DUS2: variants seen among roughly 807,000 people sequenced by gnomAD.
The protein encoded by DUS2 is dihydrouridine synthase 2, also known as tRNA-dihydrouridine(20) synthase [NAD(P)+]-like.
In DUS2, 52 loss-of-function variants were observed where a neutral mutation model predicts 71.3. The ratio of observed to expected loss-of-function variants is 0.73; its 90% CI spans 0.58 to 0.92. The LOEUF (loss-of-function observed/expected upper bound fraction) is 0.92, where lower values mean the gene tolerates loss of function less well. Ranked by LOEUF, DUS2 falls within the 40% of genes least tolerant of loss-of-function variation. The pLI, the probability that DUS2 is intolerant of heterozygous loss-of-function variation, is 0.00. For synonymous variants in DUS2, 204 were observed against 227.8 expected (o/e 0.90, Z 0.94); for missense variants, 558 against 622.6 (o/e 0.90, Z 1.10).
At chr16:68,053,683 C>T in intron 5 of DUS2, 28 bp downstream of exon 5, 1 of 1,611,626 alleles carries the variant, frequency 6.2e-7, no homozygotes, top group Non-Finnish European at 8.5e-7. Flanking sequence ...TGCATGCCCT[C>T]CTGAGGCTCA....
intron 3 of DUS2, among the ~76,000 whole-genome samples, chr16:68,042,955 G>A (rs554286052): frequency 1.3e-5 from 2 of 152,164 alleles, no homozygotes; most frequent in South Asian, 4.1e-4. Context: ...TGATCTGCCC[G>A]CCTCAGCCTC....
At chr16:68,045,669 A>C (rs1363816960) in intron 3 of DUS2, among the ~76,000 whole-genome samples, 1 of 148,680 alleles carries the variant, frequency 6.7e-6, no homozygotes, top group African/African-American at 2.5e-5. Flanking sequence ...TCTAATATGG[A>C]TGCCTTTTAT....
rs184046978 is a variant in DUS2 at position 68,074,185 on chromosome 16, C to T, written c.932+30C>T. On this transcript the variant is annotated intron_variant, in intron 13 of 16. Transcript: ENST00000565263. ...GAGGCACAATAAGATGTCCATCTGT[C>T]CTTGTACGCATTGCCCAAGTTTGAC... 106 of 1,613,074 alleles carry T rather than the reference C, an allele frequency of 6.6e-5. No homozygotes were observed. The Admixed American group carries it at 1.4e-3, about 21-fold the overall frequency.
chr16:68,056,330 T>C (rs761112033), intron 6 of DUS2, 34 bp from the exon 7 acceptor site: 10 of 1,594,798 alleles, frequency 6.3e-6, no homozygotes, highest in Non-Finnish European at 8.6e-6. Context: ...TCTAATTCAA[T>C]ACTTATTACC....
In DUS2 at chr16:68,038,063, C is replaced by A. The variant is rs1251010008; in HGVS notation, c.40C>A (p.Leu14Ile). Residue 14 changes from leucine to isoleucine, a missense_variant, in exon 3 of 17, where the codon CTA (leucine) becomes ATA (isoleucine). Transcript: ENST00000565263. Reference protein sequence around the residue: ...NSLSLCYHNKLILAPMVRVGT... With the variant: ...NSLSLCYHNKIILAPMVRVGT... The stretch of plus-strand genomic sequence containing the variant: ...CCTCTCTCTGTGTTACCATAATAAG[C>A]TAATCCTGGCCCCAATGGTTCGGGT... 1 of 1,613,930 alleles carries A rather than the reference C, an allele frequency of 6.2e-7. No individual in the cohort carries two copies. Among genetic ancestry groups the A allele is most frequent in the Non-Finnish European group, 8.5e-7 (1 of 1,179,918 alleles).
chr16:68,070,884 A>C (rs1567481754), intron 11 of DUS2, 56 bp from the exon 12 acceptor site: 2 of 1,585,622 alleles, frequency 1.3e-6, no homozygotes, highest in East Asian at 4.5e-5. Context: ...ACTTTTTCTG[A>C]AAATGCTGAT....
chr16:68,076,979 G>A (rs1043537782), intron 15 of DUS2, among the ~76,000 whole-genome samples: 10 of 151,452 alleles, frequency 6.6e-5, no homozygotes, highest in African/African-American at 2.4e-4. Flanking sequence ...GGTCTCAGCC[G>A]GGCACGGTGG....
At chr16:68,035,896 A>G (rs1416222971) in intron 2 of DUS2, among the ~76,000 whole-genome samples, 1 of 11,818 alleles carries the variant, frequency 8.5e-5, no homozygotes, top group Non-Finnish European at 4.1e-4. Context: ...ATATATATAT[A>G]TATATATATA....
At chr16:68,075,531 G>C in intron 14 of DUS2, 27 bp downstream of exon 14, 2 of 1,600,764 alleles carry the variant, frequency 1.2e-6, no homozygotes, top group Middle Eastern at 3.3e-4. Context: ...GCCTCAGCTT[G>C]GGCTAGGGCC....
At chr16:68,062,563 C>CA (rs2033954529) in intron 8 of DUS2, among the ~76,000 whole-genome samples, 1 of 151,334 alleles carries the variant, frequency 6.6e-6, no homozygotes, top group Admixed American at 6.6e-5. Flanking sequence ...ACTAAAAATA[C>CA]AAAAAATTAG....
At chr16:68,045,924 A>G (rs946426921) in intron 3 of DUS2, among the ~76,000 whole-genome samples, 2 of 152,058 alleles carry the variant, frequency 1.3e-5, no homozygotes, top group African/African-American at 4.8e-5. Context: ...CACCATGTTA[A>G]TCAGACTGGT....
chr16:68,053,780 G>A, intron 5 of DUS2, 125 bp downstream of exon 5: 1 of 926,214 alleles, frequency 1.1e-6, no homozygotes, highest in Non-Finnish European at 1.7e-6. Flanking sequence ...GCTTCCTGAA[G>A]ATTCTGCTTT....
intron 13 of DUS2, 110 bp from the exon 14 acceptor site, chr16:68,075,245 T>G: frequency 9.4e-7 from 1 of 1,064,526 alleles, no homozygotes; most frequent in Non-Finnish European, 1.3e-6. Flanking sequence ...CGGTGGTGTT[T>G]TGGTGTATGT....
At chr16:68,044,045 T>C (rs1253948260) in intron 3 of DUS2, among the ~76,000 whole-genome samples, 1 of 152,258 alleles carries the variant, frequency 6.6e-6, no homozygotes, top group African/African-American at 2.4e-5. Flanking sequence ...TACGCTGGTC[T>C]GTATGTCTAC....
Position 68,078,926 on chromosome 16 carries a change from G to A in DUS2, c.1422G>A (p.Leu474=), listed in dbSNP as rs2034199046. 1.2e-6 allele frequency: 2 copies of A among 1,606,688 alleles called. No individual in the cohort carries two copies. The highest frequency in any genetic ancestry group is 1.3e-5 in the African/African-American group (1 of 74,854). The change falls in exon 17 of 17, where the codon CTG becomes CTA. Residue 474 remains leucine (L), a synonymous_variant. Transcript: ENST00000565263. ...RAQELAQPGD[L]CKKPFVALGS... is the part of the protein sequence containing the mutation. ...AGGAGCTAGCACAACCTGGGGATCT[G>A]TGCAAGAAGCCCTTTGTGGCCTTGG...
intron 13 of DUS2, among the ~76,000 whole-genome samples, chr16:68,075,062 T>C (rs1241402710): frequency 1.3e-5 from 2 of 152,216 alleles, no homozygotes; most frequent in Non-Finnish European, 2.9e-5. Flanking sequence ...GGATACCATC[T>C]GTGTGCTTCC....
chr16:68,053,665 T>G lies in DUS2; in HGVS notation c.264+10T>G. The stretch of plus-strand genomic sequence containing the variant: ...GGTGGTCTTCCAGATGGTGAGAGAC[T>G]CCATTGCTGCATGCCCTCCTGAGGC... On this transcript the variant is annotated intron_variant, in intron 5 of 16. Transcript: ENST00000565263. 1 of 1,613,946 alleles carries G rather than the reference T, an allele frequency of 6.2e-7. No individual in the cohort carries two copies. The highest frequency in any genetic ancestry group is 8.5e-7 in the Non-Finnish European group (1 of 1,179,814).
At chr16:68,075,619 T>C (rs1315917288) in intron 14 of DUS2, 115 bp downstream of exon 14, 14 of 1,122,914 alleles carry the variant, frequency 1.2e-5, no homozygotes, top group Non-Finnish European at 1.2e-6. Flanking sequence ...CCACAGGTCT[T>C]GTTGGTTTGG....
At chr16:68,067,544 A>C (rs2034027759) in intron 10 of DUS2, among the ~76,000 whole-genome samples, 3 of 151,668 alleles carry the variant, frequency 2.0e-5, no homozygotes. Context: ...GGCCTCCCAA[A>C]GTACTGGGAT....
Sources: gnomAD v4.1 joint callset for allele counts (sites outside exome capture counted in the v4.1 genomes callset) on GRCh38, gnomAD v4.1.1 for gene constraint, MANE v1.5 for transcripts, NCBI Gene and HGNC (gene_info 2026-07-23, HGNC 2026-07-21) for gene names.